Variants in DENND4A observed in about 807,000 individuals in gnomAD.
DENND4A encodes DENN domain containing 4A.
Under a neutral mutation model 199.3 loss-of-function variants are expected in DENND4A, and 70 were observed. The observed-to-expected ratio is 0.35, with a 90% CI of 0.29 to 0.43. DENND4A has a LOEUF of 0.43. Ranked by LOEUF, DENND4A falls within the 20% of genes least tolerant of loss-of-function variation. The probability of loss-of-function intolerance (pLI) is 1.00; values close to 1 mark genes in which losing one functional copy is unlikely to be tolerated. For synonymous variants in DENND4A, 686 were observed against 766.9 expected (o/e 0.89, Z 1.74); for missense variants, 1,723 against 2,255.8 (o/e 0.76, Z 4.78).
In DENND4A at chr15:65,667,657, G is replaced by C. The variant is rs2141858625; in HGVS notation, c.5033C>G (p.Thr1678Ser). The change falls in exon 29 of 33, where the codon ACT (threonine) becomes AGT (serine). Residue 1678 changes from threonine (T) to serine (S), a missense_variant. Around this residue, in one of 6 missense-constraint regions of DENND4A, gnomAD observed 164 missense variants for 280.1 expected, o/e 0.59. Coordinates refer to ENST00000443035, the MANE Select transcript of DENND4A (RefSeq NM_001320835.1). ...CACTAAAGGACTAAGATACGGAACA[G>C]TGACAGGATCGGGACTTGGAAGGTG... is the stretch of plus-strand genomic sequence containing the variant. ...EWHLPSPDPV[T>S]VPYLSPLVVW... is the part of the protein sequence containing the mutation. The C allele has an allele frequency of 6.2e-7, 1 of 1,613,958 alleles. No homozygotes were observed. The highest frequency in any genetic ancestry group is 8.5e-7 in the Non-Finnish European group (1 of 1,179,868).
At chr15:65,780,097 C>T (rs2077397741) in intron 1 of DENND4A, among the ~76,000 whole-genome samples, 1 of 151,988 alleles carries the variant, frequency 6.6e-6, no homozygotes, top group Admixed American at 6.6e-5. Flanking sequence ...TGGAAGAAGG[C>T]AGAGGTATCA....
intron 27 of DENND4A, among the ~76,000 whole-genome samples, chr15:65,669,374 C>A (rs2076148032): frequency 6.6e-6 from 1 of 152,052 alleles, no homozygotes; most frequent in Non-Finnish European, 1.5e-5. Context: ...TATATCAGCT[C>A]CAAATGTTTT....
At chr15:65,742,331 TGGAGTGCAGTGGTGCGATC>T (rs1237645439) in intron 4 of DENND4A, among the ~76,000 whole-genome samples, 1 of 152,182 alleles carries the variant, frequency 6.6e-6, no homozygotes, top group Non-Finnish European at 1.5e-5. Context: ...TCACCCAGGC[TGGAGTGCAGTGGTGCGATC>T]TTGGCTCACT....
chr15:65,782,121 CTG>C (rs1465415532), intron 1 of DENND4A, among the ~76,000 whole-genome samples: 2 of 152,208 alleles, frequency 1.3e-5, no homozygotes, highest in Non-Finnish European at 1.5e-5. Context: ...TAGTAGGTGA[CTG>C]TGAATACTAA....
intron 5 of DENND4A, among the ~76,000 whole-genome samples, chr15:65,741,485 ATTAT>A (rs1567065760): frequency 6.6e-6 from 1 of 152,212 alleles, no homozygotes; most frequent in Admixed American, 6.5e-5. Context: ...TTGAGATCTT[ATTAT>A]TTATTTAAAC....
chr15:65,703,438 C>G (rs2074941473), intron 15 of DENND4A, among the ~76,000 whole-genome samples: 1 of 152,188 alleles, frequency 6.6e-6, no homozygotes, highest in Non-Finnish European at 1.5e-5. Flanking sequence ...ACTGTTGAAC[C>G]TCCCTTCTTA....
intron 9 of DENND4A, 21 bp downstream of exon 9, chr15:65,731,621 T>C (rs1596546997): frequency 6.6e-7 from 1 of 1,504,110 alleles, no homozygotes; most frequent in South Asian, 1.3e-5. Context: ...GAAAAATAAA[T>C]AGAAATGAGG....
At chr15:65,678,790 G>A (rs2076473198) in intron 23 of DENND4A, among the ~76,000 whole-genome samples, 1 of 151,956 alleles carries the variant, frequency 6.6e-6, no homozygotes, top group Non-Finnish European at 1.5e-5. Context: ...CTCAGGCTCA[G>A]GTGATCCTCC....
intron 1 of DENND4A, among the ~76,000 whole-genome samples, chr15:65,789,769 G>C (rs1421572582): frequency 6.6e-6 from 1 of 152,102 alleles, no homozygotes; most frequent in Admixed American, 6.5e-5. Context: ...GTTTTTGTAG[G>C]ACATAGAATG....
chr15:65,705,749 G>A (rs1051472036), intron 15 of DENND4A, among the ~76,000 whole-genome samples: 3 of 151,750 alleles, frequency 2.0e-5, no homozygotes, highest in African/African-American at 4.9e-5. Context: ...ATGAAAAGAG[G>A]AATTGAAAGT....
chr15:65,718,586 G>A (rs558692602), intron 12 of DENND4A, among the ~76,000 whole-genome samples: 1 of 151,792 alleles, frequency 6.6e-6, no homozygotes, highest in South Asian at 2.1e-4. Flanking sequence ...ATACGAATAA[G>A]GAGAATAATA....
At chr15:65,689,230 A>C (rs1428271851) in intron 23 of DENND4A, among the ~76,000 whole-genome samples, 1 of 152,110 alleles carries the variant, frequency 6.6e-6, no homozygotes, top group Non-Finnish European at 1.5e-5. Context: ...TTATTTTTTA[A>C]ACCTTTTCCT....
intron 30 of DENND4A, 168 bp from the exon 31 acceptor site, chr15:65,664,890 T>A: frequency 5.1e-6 from 3 of 592,988 alleles, no homozygotes; most frequent in African/African-American, 1.9e-5. Flanking sequence ...ATAAGACAAA[T>A]AATGACAAAA....
intron 1 of DENND4A, among the ~76,000 whole-genome samples, chr15:65,762,354 T>G (rs1233654182): frequency 6.6e-6 from 1 of 150,822 alleles, no homozygotes; most frequent in Admixed American, 6.6e-5. Context: ...CTGGGCTCAG[T>G]GGCTCACGTC....
chr15:65,669,976 C>T (rs747663704), intron 26 of DENND4A, 37 bp downstream of exon 26: 2 of 1,601,202 alleles, frequency 1.2e-6, no homozygotes, highest in Non-Finnish European at 1.7e-6. Flanking sequence ...TTATAGGGAA[C>T]ATGATCCTTA....
intron 11 of DENND4A, 47 bp downstream of exon 11, chr15:65,729,025 C>T: frequency 2.0e-6 from 3 of 1,485,038 alleles, no homozygotes; most frequent in Non-Finnish European, 1.8e-6. Context: ...CATACATATG[C>T]TACAAAGTTG....
chr15:65,670,258 T>C (rs1393392885), intron 25 of DENND4A, 70 bp from the exon 26 acceptor site: 15 of 1,257,866 alleles, frequency 1.2e-5, no homozygotes, highest in Non-Finnish European at 1.4e-5. Flanking sequence ...ACCATTTCAA[T>C]TCATAAATTC....
rs572945295 is a variant in DENND4A at position 65,777,241 on chromosome 15, A to T, written c.-102+14769T>A. Among the ~76,000 whole-genome samples, 3 of 152,174 alleles carry T rather than the reference A, an allele frequency of 2.0e-5. No homozygotes were observed. The South Asian group carries it at 6.2e-4, about 31-fold the overall frequency. On this transcript the variant is annotated intron_variant, in intron 1 of 32. Transcript: ENST00000443035. ...CAGTTCCTGGTTTCCCTTCCCCTTC[A>T]TGAGTCTTGGCTGTACTTCTATCAT...
intron 1 of DENND4A, among the ~76,000 whole-genome samples, chr15:65,761,847 T>C (rs2076857705): frequency 6.6e-6 from 1 of 152,058 alleles, no homozygotes; most frequent in Admixed American, 6.5e-5. Context: ...ATAATTCAAA[T>C]ATAGACTCAA....
Sources: gnomAD v4.1 joint callset for allele counts (sites outside exome capture counted in the v4.1 genomes callset) on GRCh38, gnomAD v4.1.1 for gene constraint, gnomAD v4.1.1 regional missense constraint, MANE v1.5 for transcripts, NCBI Gene and HGNC (gene_info 2026-07-23, HGNC 2026-07-21) for gene names.